KIF5B: variants seen among roughly 807,000 people sequenced by gnomAD.
KIF5B encodes kinesin-1 heavy chain.
KIF5B carries 49 observed loss-of-function variants against 132.8 expected under a neutral mutation model. The ratio of observed to expected loss-of-function variants is 0.37; its 90% CI spans 0.29 to 0.47. The LOEUF is 0.47. KIF5B is among the 20% of genes least tolerant of loss of function. The pLI, the probability that KIF5B is intolerant of heterozygous loss-of-function variation, is 1.00. For synonymous variants in KIF5B, 355 were observed against 369.4 expected (o/e 0.96, Z 0.45); for missense variants, 780 against 1,144.0 (o/e 0.68, Z 4.59).
chr10:32,022,756 A>G (rs1447243073), intron 16 of KIF5B, 92 bp downstream of exon 16: 2 of 903,570 alleles, frequency 2.2e-6, no homozygotes, highest in Non-Finnish European at 3.4e-6. Context: ...AATTTCACCT[A>G]TAGACACACA....
At chr10:32,024,051 T>TA (rs372127839) in intron 15 of KIF5B, among the ~76,000 whole-genome samples, 1,684 of 63,298 alleles carry the variant, frequency 0.027, 24 homozygotes, top group Non-Finnish European at 0.034. Context: ...ACGTTGAGAG[T>TA]AAAAAAAAAA....
At chr10:32,041,634 A>G (rs1273787225) in intron 2 of KIF5B, among the ~76,000 whole-genome samples, 2 of 152,168 alleles carry the variant, frequency 1.3e-5, no homozygotes, top group Non-Finnish European at 2.9e-5. Context: ...CCTATGAAAA[A>G]AAATGTTATG....
intron 21 of KIF5B, 29 bp from the exon 22 acceptor site, chr10:32,018,416 A>G (rs755406437): frequency 1.9e-6 from 3 of 1,571,800 alleles, no homozygotes; most frequent in African/African-American, 1.4e-5. Flanking sequence ...ATATTTTTGG[A>G]GCTCAGACTT....
intron 14 of KIF5B, among the ~76,000 whole-genome samples, chr10:32,030,716 T>A (rs1038235450): frequency 6.6e-6 from 1 of 152,208 alleles, no homozygotes; most frequent in Non-Finnish European, 1.5e-5. Flanking sequence ...GTTTGAACAA[T>A]CATCTAATAG....
At chr10:32,047,100 T>C (rs777048819) in intron 2 of KIF5B, among the ~76,000 whole-genome samples, 9 of 152,190 alleles carry the variant, frequency 5.9e-5, no homozygotes, top group Non-Finnish European at 1.3e-4. Flanking sequence ...AATATTTCTA[T>C]TGAATATTTC....
intron 2 of KIF5B, among the ~76,000 whole-genome samples, chr10:32,042,791 T>A (rs1246607981): frequency 6.6e-6 from 1 of 152,160 alleles, no homozygotes; most frequent in Admixed American, 6.5e-5. Flanking sequence ...TAACAGCACA[T>A]CACGTTGTAG....
rs772568643 is a variant in KIF5B, at chr10:32,056,382, G to T, written c.-409C>A. 1 of 222,874 alleles carries T rather than the reference G, an allele frequency of 4.5e-6. No homozygotes were observed. The highest frequency in any genetic ancestry group is 2.4e-5 in the African/African-American group (1 of 41,804). The allele number at this position is 222,874 out of a possible 1,614,324, so 13.8% of individuals were successfully genotyped here. ...CCGCCCGCTCTGCCGTCCGCTGGCC[G>T]GCCGACTGCTGCCCGATCACTCCTG... On this transcript the variant is annotated 5_prime_UTR_variant, in exon 1 of 26. Coordinates refer to ENST00000302418, the MANE Select transcript of KIF5B (RefSeq NM_004521.3).
chr10:32,028,593 A>T lies in KIF5B; in HGVS notation c.1582-22T>A, dbSNP rs986346213. On this transcript the variant is annotated intron_variant, in intron 14 of 25. Transcript: ENST00000302418. Reference sequence around the variant, plus strand: ...TTGCCTAAGAGAACCCAAAACAAAAAGTATAGTTAAATCTACTACATGAAA... The same window carrying T: ...TTGCCTAAGAGAACCCAAAACAAAATGTATAGTTAAATCTACTACATGAAA... 6 of 1,595,682 alleles carry T rather than the reference A, an allele frequency of 3.8e-6. No individual in the cohort carries two copies. In the African/African-American group the frequency reaches 8.1e-5, roughly 22 times the overall value.
At chr10:32,037,207 GT>G in intron 8 of KIF5B, 46 bp downstream of exon 8, 4 of 1,576,408 alleles carry the variant, frequency 2.5e-6, no homozygotes, top group Non-Finnish European at 3.5e-6. Flanking sequence ...TCAAACTAAA[GT>G]TTACAAAGAT....
intron 12 of KIF5B, among the ~76,000 whole-genome samples, chr10:32,033,524 C>T (rs12573668): frequency 0.27 from 41,200 of 152,070 alleles, 5,740 homozygotes; most frequent in East Asian, 0.39. Flanking sequence ...ACCATCTCCC[C>T]GACCTGATCC....
At chr10:32,054,377 A>G (rs1054332502) in intron 1 of KIF5B, among the ~76,000 whole-genome samples, 1 of 152,248 alleles carries the variant, frequency 6.6e-6, no homozygotes, top group Admixed American at 6.5e-5. Context: ...GTTAACAAAG[A>G]ACTCGCCTGA....
Position 32,010,929 on chromosome 10 carries a change from C to T in KIF5B, c.*608G>A, listed in dbSNP as rs1228552734. On this transcript the variant is annotated 3_prime_UTR_variant, in exon 26 of 26. Transcript: ENST00000302418. ...GTTTCAGTGCTCAAACAGTAGTTTT[C>T]AGGAGCAAACTTCAGAAACAATACA... 6.6e-6 allele frequency: 1 copy of T among 152,030 alleles called. No homozygotes were observed. Among genetic ancestry groups the T allele is most frequent in the African/African-American group, 2.4e-5 (1 of 41,412 alleles). 9.4% of individuals were successfully genotyped at this position (152,030 alleles called of 1,614,324 possible).
intron 1 of KIF5B, among the ~76,000 whole-genome samples, chr10:32,049,466 G>A (rs563467959): frequency 6.6e-6 from 1 of 152,156 alleles, no homozygotes; most frequent in Non-Finnish European, 1.5e-5. Context: ...AAAAGGTTTC[G>A]TGTAGGAAAG....
At chr10:32,048,365 A>C (rs1841642550) in intron 2 of KIF5B, 99 bp downstream of exon 2, 1 of 725,034 alleles carries the variant, frequency 1.4e-6, no homozygotes, top group South Asian at 1.8e-5. Context: ...ACTTAGAAGA[A>C]AGGGGCATTA....
At chr10:32,028,639 G>A (rs979837385) in intron 14 of KIF5B, 68 bp from the exon 15 acceptor site, 26 of 1,358,424 alleles carry the variant, frequency 1.9e-5, no homozygotes, top group Non-Finnish European at 2.2e-5. Flanking sequence ...AATACTCATC[G>A]GTGTTTCAAG....
intron 15 of KIF5B, among the ~76,000 whole-genome samples, chr10:32,025,398 C>CAA (rs1841322167): frequency 6.6e-6 from 1 of 152,122 alleles, no homozygotes; most frequent in African/African-American, 2.4e-5. Flanking sequence ...TTTTTGGAGA[C>CAA]AGAGTCTCAC....
intron 24 of KIF5B, 65 bp downstream of exon 24, chr10:32,017,078 G>A (rs1300791310): frequency 1.3e-5 from 17 of 1,343,242 alleles, no homozygotes; most frequent in Non-Finnish European, 1.4e-5. Context: ...TTCGGATTAC[G>A]TTTTCCACTA....
At chr10:32,049,469 T>C (rs1841659948) in intron 1 of KIF5B, among the ~76,000 whole-genome samples, 1 of 152,156 alleles carries the variant, frequency 6.6e-6, no homozygotes, top group South Asian at 2.1e-4. Context: ...AGGTTTCGTG[T>C]AGGAAAGTAG....
At chr10:32,027,745 T>A (rs1036222565) in intron 15 of KIF5B, among the ~76,000 whole-genome samples, 6 of 151,280 alleles carry the variant, frequency 4.0e-5, no homozygotes, top group African/African-American at 1.5e-4. Flanking sequence ...CAGGCATGTA[T>A]CACCATGCCT....
Sources: gnomAD v4.1 joint callset for allele counts (sites outside exome capture counted in the v4.1 genomes callset) on GRCh38, gnomAD v4.1.1 for gene constraint, MANE v1.5 for transcripts, NCBI Gene and HGNC (gene_info 2026-07-23, HGNC 2026-07-21) for gene names.